The following DIP2C variants were observed in gnomAD, a reference collection of about 807,000 sequenced individuals.
DIP2C encodes DIP2 acetate--CoA ligase C (putative).
In DIP2C, 33 loss-of-function variants were observed where a neutral mutation model predicts 192.4. The ratio of observed to expected loss-of-function variants is 0.17; its 90% CI spans 0.13 to 0.23. The LOEUF is 0.23. Among genes scored for constraint, DIP2C ranks in the 10% least tolerant of loss-of-function variants. The pLI is 1.00. For synonymous variants in DIP2C, 979 were observed against 864.1 expected (o/e 1.13, Z -2.33); for missense variants, 1,537 against 2,110.1 (o/e 0.73, Z 5.32).
intron 28 of DIP2C, among the ~76,000 whole-genome samples, chr10:344,406 G>A (rs866182017): frequency 1.3e-5 from 2 of 151,642 alleles, no homozygotes; most frequent in African/African-American, 4.8e-5. Flanking sequence ...GGGCGGGGGG[G>A]GGTTTGCACG....
intron 29 of DIP2C, among the ~76,000 whole-genome samples, chr10:335,171 A>G (rs1158092586): frequency 6.6e-6 from 1 of 152,220 alleles, no homozygotes; most frequent in Admixed American, 6.5e-5. Flanking sequence ...ACAATCCTCT[A>G]TGACAGAAGA....
chr10:602,516 G>A (rs1000218787), intron 1 of DIP2C, among the ~76,000 whole-genome samples: 1 of 152,190 alleles, frequency 6.6e-6, no homozygotes, highest in South Asian at 2.1e-4. Context: ...TTGTTGGAAG[G>A]CCTGAAGGAG....
At chr10:576,155 C>CT (rs748596513) in intron 1 of DIP2C, among the ~76,000 whole-genome samples, 3 of 152,224 alleles carry the variant, frequency 2.0e-5, no homozygotes, top group Non-Finnish European at 4.4e-5. Flanking sequence ...GATGTGCTGG[C>CT]ACCAAGCAGA....
intron 1 of DIP2C, among the ~76,000 whole-genome samples, chr10:526,530 C>A (rs1349272932): frequency 5.0e-5 from 7 of 139,048 alleles, no homozygotes; most frequent in African/African-American, 1.4e-4. Context: ...CCTACCCCAC[C>A]AAAAAAAAAA....
At chr10:343,360 C>A (rs1203558569) in intron 28 of DIP2C, among the ~76,000 whole-genome samples, 1 of 152,172 alleles carries the variant, frequency 6.6e-6, no homozygotes, top group African/African-American at 2.4e-5. Flanking sequence ...GGGACCAGCA[C>A]AGAGCCTTGT....
rs190481344 is a variant in DIP2C, at chr10:434,945, T to C, written c.394+5926A>G. On this transcript the variant is annotated intron_variant, in intron 4 of 36. Coordinates refer to ENST00000280886, the MANE Select transcript of DIP2C (RefSeq NM_014974.3). ...AGTTTGAAAATTATATGCCCAAGTA[T>C]AGTTTATTTTTGTTTTTGTCGTTGT... 3.3e-5 allele frequency among the ~76,000 whole-genome samples: 5 copies of C among 152,320 alleles called. 2 individuals carry two copies. The South Asian group carries it at 1.0e-3, about 32-fold the overall frequency.
chr10:368,892 G>T (rs961913409), intron 18 of DIP2C, among the ~76,000 whole-genome samples: 3 of 152,232 alleles, frequency 2.0e-5, no homozygotes, highest in Non-Finnish European at 4.4e-5. Flanking sequence ...CATGAGTTGA[G>T]CGCCAAGCGT....
chr10:471,485 TC>T (rs1970628499), intron 3 of DIP2C, among the ~76,000 whole-genome samples: 1 of 152,162 alleles, frequency 6.6e-6, no homozygotes, highest in Non-Finnish European at 1.5e-5. Context: ...CTCACTTTTT[TC>T]TTCTGACACA....
chr10:341,097 T>TG, intron 29 of DIP2C, 102 bp downstream of exon 29: 1 of 1,504,826 alleles, frequency 6.6e-7, no homozygotes. Context: ...CTGGCAGGAG[T>TG]GGGGGTGTGG....
chr10:386,368 T>C (rs1962917964), intron 14 of DIP2C, among the ~76,000 whole-genome samples: 1 of 152,090 alleles, frequency 6.6e-6, no homozygotes, highest in African/African-American at 2.4e-5. Context: ...CATGCCTGAG[T>C]CACAAAGCTA....
chr10:532,227 A>G (rs1422235521), intron 1 of DIP2C, among the ~76,000 whole-genome samples: 3 of 152,288 alleles, frequency 2.0e-5, no homozygotes, highest in Non-Finnish European at 4.4e-5. Flanking sequence ...TCATCCTGGA[A>G]GCCCATCCAG....
intron 9 of DIP2C, among the ~76,000 whole-genome samples, chr10:402,046 A>C (rs1412825639): frequency 5.1e-4 from 40 of 78,240 alleles, no homozygotes; most frequent in East Asian, 3.6e-3. Context: ...GTATGTGTTC[A>C]TCAGCACATG....
chr10:397,804 G>C (rs1184266525), intron 10 of DIP2C, among the ~76,000 whole-genome samples: 1 of 152,176 alleles, frequency 6.6e-6, no homozygotes, highest in African/African-American at 2.4e-5. Flanking sequence ...AAAATTCTAA[G>C]CCCCTCAACC....
At chr10:344,603 C>G in intron 28 of DIP2C, among the ~76,000 whole-genome samples, 1 of 152,236 alleles carries the variant, frequency 6.6e-6, no homozygotes, top group East Asian at 1.9e-4. Context: ...TAAAAACATA[C>G]TTGGGGCATT....
At chr10:423,579 A>C (rs915757849) in intron 4 of DIP2C, among the ~76,000 whole-genome samples, 1 of 151,826 alleles carries the variant, frequency 6.6e-6, no homozygotes, top group East Asian at 1.9e-4. Context: ...GTGTTAGATA[A>C]CCATGCAGCT....
intron 1 of DIP2C, among the ~76,000 whole-genome samples, chr10:521,863 C>G (rs985218422): frequency 3.9e-5 from 6 of 152,222 alleles, no homozygotes; most frequent in African/African-American, 1.4e-4. Flanking sequence ...AGCACATGCA[C>G]AGCCTCCATC....
intron 31 of DIP2C, among the ~76,000 whole-genome samples, chr10:318,095 T>A (rs1485744671): frequency 1.3e-5 from 2 of 152,056 alleles, no homozygotes. Flanking sequence ...TTCCTGGGGC[T>A]ATGGAGATGC....
chr10:580,524 T>C (rs1850563791), intron 1 of DIP2C, among the ~76,000 whole-genome samples: 1 of 152,208 alleles, frequency 6.6e-6, no homozygotes, highest in South Asian at 2.1e-4. Context: ...GTTATGCACA[T>C]ATGTACACAT....
intron 28 of DIP2C, among the ~76,000 whole-genome samples, chr10:343,914 G>A (rs1483188176): frequency 1.3e-5 from 2 of 152,200 alleles, no homozygotes; most frequent in East Asian, 1.9e-4. Flanking sequence ...ACAGACGAGG[G>A]CATGGACAAC....
Sources: gnomAD v4.1 joint callset for allele counts (sites outside exome capture counted in the v4.1 genomes callset) on GRCh38, gnomAD v4.1.1 for gene constraint, MANE v1.5 for transcripts, NCBI Gene and HGNC (gene_info 2026-07-23, HGNC 2026-07-21) for gene names.